The following DACH2 variants were observed in gnomAD, a reference collection of about 807,000 sequenced individuals.
The protein encoded by DACH2 is dachshund homolog 2.
Under a neutral mutation model 35.8 loss-of-function variants are expected in DACH2, and 17 were observed. The ratio of observed to expected loss-of-function variants is 0.48; its 90% CI spans 0.33 to 0.71. The LOEUF (loss-of-function observed/expected upper bound fraction) is 0.71, where lower values mean the gene tolerates loss of function less well. DACH2 is among the 30% of genes least tolerant of loss of function. The pLI, the probability that DACH2 is intolerant of heterozygous loss-of-function variation, is 0.02. For missense variants in DACH2, 469 were observed against 472.7 expected, an observed-to-expected ratio of 0.99 and a Z score of 0.07; for synonymous variants, 195 against 177.3, an observed-to-expected ratio of 1.10 and a Z score of -0.79.
intron 2 of DACH2, among the ~76,000 whole-genome samples, chrX:86,391,558 C>T (rs573110456): frequency 8.1e-5 from 9 of 110,749 alleles, no homozygotes; most frequent in South Asian, 7.5e-4. Context: ...TTAAAAAATA[C>T]GGCTTTGAGG....
At chrX:86,247,832 G>A (rs1490789453) in intron 1 of DACH2, among the ~76,000 whole-genome samples, 1 of 110,776 alleles carries the variant, frequency 9.0e-6, no homozygotes, top group African/African-American at 3.3e-5. Context: ...ACATCAAAAA[G>A]CAAATCCATC....
chrX:86,293,167 T>C (rs1266192681), intron 1 of DACH2, among the ~76,000 whole-genome samples: 10 of 104,054 alleles, frequency 9.6e-5, no homozygotes, highest in Non-Finnish European at 2.0e-4. Context: ...ATTGATCCCT[T>C]TACCATTATG....
intron 1 of DACH2, among the ~76,000 whole-genome samples, chrX:86,236,132 A>G (rs200623433): frequency 6.1e-5 from 2 of 33,036 alleles, no homozygotes; most frequent in Non-Finnish European, 9.7e-5. Context: ...GCTCCATCTC[A>G]AAAAAAAAAA....
intron 1 of DACH2, among the ~76,000 whole-genome samples, chrX:86,231,897 G>C (rs1320082050): frequency 9.0e-6 from 1 of 111,715 alleles, no homozygotes; most frequent in African/African-American, 3.3e-5. Flanking sequence ...GGGGGTTGGT[G>C]AGCTCCCAGG....
In DACH2 at chrX:86,673,315, GA is replaced by G. The variant is rs1480650508; in HGVS notation, c.773-21705del. On this transcript the variant is annotated intron_variant, in intron 4 of 11. Transcript: ENST00000373125. ...TCATGCCACTGCATTCCAGTCTGGG[GA>G]CAGAGCGAGACTCCGTCTCAAAAAA... Among the ~76,000 whole-genome samples, 4 of 88,856 alleles carry G rather than the reference GA, an allele frequency of 4.5e-5. No individual in the cohort carries two copies. In the Admixed American group the frequency reaches 5.3e-4, roughly 12 times the overall value. 77.2% of individuals were successfully genotyped at this position (88,856 alleles called of 115,157 possible). A position where few individuals can be genotyped will look rare whatever the true frequency, so the allele number is the denominator to read the frequency against.
At chrX:86,304,572 G>T (rs962461426) in intron 1 of DACH2, 14 of 158,240 alleles carry the variant, frequency 8.8e-5, no homozygotes, top group African/African-American at 4.4e-4. Context: ...AACCAGGCTG[G>T]ATATCCTATG....
At chrX:86,609,075 C>T (rs2039896497) in intron 3 of DACH2, among the ~76,000 whole-genome samples, 1 of 111,651 alleles carries the variant, frequency 9.0e-6, no homozygotes, top group Non-Finnish European at 1.9e-5. Flanking sequence ...CTGTCTCTTT[C>T]TCTACCTCCT....
chrX:86,316,616 TA>T (rs199595249), intron 1 of DACH2, among the ~76,000 whole-genome samples: 58 of 111,565 alleles, frequency 5.2e-4, no homozygotes, highest in Admixed American at 4.8e-3. Flanking sequence ...TAATGGCTGT[TA>T]GGGGGAATTG....
At chrX:86,289,362 T>G (rs1369787449) in intron 1 of DACH2, among the ~76,000 whole-genome samples, 1 of 107,733 alleles carries the variant, frequency 9.3e-6, no homozygotes, top group Non-Finnish European at 1.9e-5. Flanking sequence ...GGAGGGTTGA[T>G]GTAAGCATTC....
chrX:86,413,580 C>T (rs888700884), intron 2 of DACH2, among the ~76,000 whole-genome samples: 2 of 111,837 alleles, frequency 1.8e-5, no homozygotes, highest in African/African-American at 6.5e-5. Context: ...GTGGGAATCA[C>T]CACCCCTGTT....
At chrX:86,610,362 C>CCTCTTTCTTTCTTT (rs2039916785) in intron 3 of DACH2, among the ~76,000 whole-genome samples, 1 of 75,645 alleles carries the variant, frequency 1.3e-5, no homozygotes, top group Non-Finnish European at 2.5e-5. Flanking sequence ...TTCCTTCCTT[C>CCTCTTTCTTTCTTT]CTCTTTCTTT....
intron 2 of DACH2, among the ~76,000 whole-genome samples, chrX:86,401,187 G>A (rs948476959): frequency 8.9e-6 from 1 of 112,531 alleles, no homozygotes; most frequent in Non-Finnish European, 1.9e-5. Context: ...CCAGGTGCAG[G>A]ATATAATCTC....
chrX:86,767,284 G>C lies in DACH2; in HGVS notation c.1240+27402G>C, dbSNP rs983769016. On this transcript the variant is annotated intron_variant, in intron 7 of 11. Coordinates refer to ENST00000373125, the MANE Select transcript of DACH2 (RefSeq NM_053281.3). Reference sequence around the variant, plus strand: ...CTCGTTGGCTAGAACCTCTGAAGCAGTATTTGTTTCCTATACTACTGTTAA... The same window carrying C: ...CTCGTTGGCTAGAACCTCTGAAGCACTATTTGTTTCCTATACTACTGTTAA... 2.7e-5 allele frequency among the ~76,000 whole-genome samples: 3 copies of C among 111,739 alleles called. No homozygotes were observed. In the Admixed American group the frequency reaches 2.9e-4, roughly 11 times the overall value.
In DACH2 at chrX:86,320,269, A is replaced by C. The variant is rs200802404; in HGVS notation, c.489-56555A>C. On this transcript the variant is annotated intron_variant, in intron 1 of 11. Transcript: ENST00000373125. The stretch of plus-strand genomic sequence containing the variant: ...TGAAGAGAAAAACATAAAGCCTTTA[A>C]AATATACCCATAGCTTGGATATCCA... 1.3e-4 allele frequency among the ~76,000 whole-genome samples: 15 copies of C among 112,576 alleles called. No homozygotes were observed. In the East Asian group the frequency reaches 2.8e-3, roughly 21 times the overall value.
intron 2 of DACH2, among the ~76,000 whole-genome samples, chrX:86,456,033 C>T (rs191810400): frequency 3.7e-4 from 42 of 112,230 alleles, no homozygotes; most frequent in South Asian, 1.9e-3. Context: ...AGCATGGTTT[C>T]CCTGGCAGGG....
intron 1 of DACH2, among the ~76,000 whole-genome samples, chrX:86,231,205 G>A (rs372054435): frequency 8.9e-6 from 1 of 112,066 alleles, no homozygotes; most frequent in South Asian, 3.7e-4. Flanking sequence ...TCAAACTGAG[G>A]GTTCTTAGCT....
At chrX:86,234,381 A>G (rs1055252151) in intron 1 of DACH2, among the ~76,000 whole-genome samples, 8 of 111,393 alleles carry the variant, frequency 7.2e-5, no homozygotes, top group African/African-American at 1.6e-4. Flanking sequence ...AATCTGAAAT[A>G]CTCAATATTC....
chrX:86,438,412 G>A (rs2037105853), intron 2 of DACH2, among the ~76,000 whole-genome samples: 1 of 110,073 alleles, frequency 9.1e-6, no homozygotes, highest in Non-Finnish European at 1.9e-5. Flanking sequence ...TTTTAGTAGA[G>A]ACGGGGTTTT....
chrX:86,508,886 A>G (rs1048033245), intron 2 of DACH2, among the ~76,000 whole-genome samples: 4 of 111,877 alleles, frequency 3.6e-5, no homozygotes, highest in Non-Finnish European at 7.5e-5. Context: ...ATGCCATCAG[A>G]TTTCTTTTGT....
Sources: allele counts gnomAD v4.1 joint callset (sites outside exome capture counted in the v4.1 genomes callset), GRCh38; gene constraint gnomAD v4.1.1; transcripts MANE v1.5; gene names NCBI Gene and HGNC (gene_info 2026-07-23, HGNC 2026-07-21).